CDH12: variants seen among roughly 807,000 people sequenced by gnomAD.
CDH12 encodes cadherin 12, also known as cadherin-12.
In CDH12, 41 loss-of-function variants were observed where a neutral mutation model predicts 74.1. The observed-to-expected ratio is 0.55, with a 90% CI of 0.43 to 0.72. The LOEUF is 0.72. Among genes scored for constraint, CDH12 ranks in the 30% least tolerant of loss-of-function variants. CDH12 has a pLI of 0.00. For synonymous variants in CDH12, 399 were observed against 355.0 expected (o/e 1.12, Z -1.39); for missense variants, 945 against 977.2 (o/e 0.97, Z 0.44).
At chr5:22,073,100 T>G (rs1207236182) in intron 5 of CDH12, among the ~76,000 whole-genome samples, 1 of 152,108 alleles carries the variant, frequency 6.6e-6, no homozygotes. Context: ...AAGTTTAACT[T>G]TTATAATTGT....
chr5:22,506,288 C>G (rs1736384202), intron 1 of CDH12, among the ~76,000 whole-genome samples: 1 of 149,176 alleles, frequency 6.7e-6, no homozygotes, highest in Non-Finnish European at 1.5e-5. Flanking sequence ...TTTACCTATT[C>G]TCCCCATTTG....
At chr5:22,522,673 ACT>A (rs1195753411) in intron 1 of CDH12, among the ~76,000 whole-genome samples, 4 of 151,856 alleles carry the variant, frequency 2.6e-5, no homozygotes, top group Non-Finnish European at 5.9e-5. Flanking sequence ...TTCATTTGTT[ACT>A]CTCTTTTATT....
chr5:21,790,389 A>G (rs1002942056), intron 10 of CDH12, among the ~76,000 whole-genome samples: 13 of 152,132 alleles, frequency 8.5e-5, no homozygotes, highest in Admixed American at 3.3e-4. Context: ...CAAGCTCAGT[A>G]AACATATTTA....
chr5:22,001,602 G>C (rs1736606691), intron 5 of CDH12, among the ~76,000 whole-genome samples: 1 of 151,974 alleles, frequency 6.6e-6, no homozygotes, highest in Non-Finnish European at 1.5e-5. Flanking sequence ...TATAGGCATG[G>C]TACCCAATGG....
intron 3 of CDH12, among the ~76,000 whole-genome samples, chr5:22,359,987 T>A (rs917739890): frequency 3.3e-5 from 5 of 151,954 alleles, no homozygotes; most frequent in African/African-American, 1.2e-4. Flanking sequence ...AGGAAAGATC[T>A]AAAATTGACA....
intron 1 of CDH12, among the ~76,000 whole-genome samples, chr5:22,720,180 G>C (rs1178397425): frequency 6.6e-6 from 1 of 152,158 alleles, no homozygotes; most frequent in Non-Finnish European, 1.5e-5. Context: ...GGTGGGAGGT[G>C]ATTGAATCGT....
At chr5:22,641,184 A>T (rs890177463) in intron 1 of CDH12, among the ~76,000 whole-genome samples, 1 of 152,158 alleles carries the variant, frequency 6.6e-6, no homozygotes, top group Non-Finnish European at 1.5e-5. Context: ...AGCCCCTGGG[A>T]TGCTGCGGGT....
chr5:21,772,318 C>G (rs1359721500), intron 11 of CDH12, among the ~76,000 whole-genome samples: 1 of 151,886 alleles, frequency 6.6e-6, no homozygotes, highest in Non-Finnish European at 1.5e-5. Flanking sequence ...TATTGGGAGG[C>G]AAAGGGGATA....
At chr5:21,754,134 A>G (rs1312032766) in intron 14 of CDH12, among the ~76,000 whole-genome samples, 2 of 152,146 alleles carry the variant, frequency 1.3e-5, no homozygotes, top group Non-Finnish European at 2.9e-5. Flanking sequence ...TCCGGCAGAA[A>G]TGATTTTGTA....
intron 8 of CDH12, among the ~76,000 whole-genome samples, chr5:21,841,292 T>A (rs1749833971): frequency 6.6e-6 from 1 of 151,860 alleles, no homozygotes; most frequent in Non-Finnish European, 1.5e-5. Context: ...GAAATGCAAA[T>A]CAAAACCACA....
Position 22,022,485 on chromosome 5 carries a change from T to C in CDH12, c.232-47100A>G, listed in dbSNP as rs192389315. Among the ~76,000 whole-genome samples, 235 of 151,636 alleles carry C rather than the reference T, an allele frequency of 1.5e-3. 1 individual carries two copies. The highest frequency in any genetic ancestry group is 2.1e-3 in the Non-Finnish European group (145 of 67,824). ...TGGAACTGTGAGTCAATTAAACTTC[T>C]TTTTTTTTAAATTATCCAGTCTCAG... On this transcript the variant is annotated intron_variant, in intron 5 of 14. Transcript: ENST00000382254.
At chr5:21,888,049 C>G (rs1752721124) in intron 6 of CDH12, among the ~76,000 whole-genome samples, 1 of 151,756 alleles carries the variant, frequency 6.6e-6, no homozygotes, top group African/African-American at 2.4e-5. Context: ...AACAACAAAA[C>G]AGTCACACTA....
At chr5:21,883,861 C>T (rs2150036149) in intron 6 of CDH12, 1 of 1,606,868 alleles carries the variant, frequency 6.2e-7, no homozygotes, top group African/African-American at 1.3e-5. Flanking sequence ...GTTACAGATG[C>T]CCTTAATGCT....
chr5:22,182,765 G>A (rs573442242), intron 4 of CDH12, among the ~76,000 whole-genome samples: 1 of 151,914 alleles, frequency 6.6e-6, no homozygotes. Flanking sequence ...GATTGTTTCT[G>A]ACTGGCTGGG....
chr5:22,302,847 G>A (rs975561104), intron 3 of CDH12, among the ~76,000 whole-genome samples: 1 of 152,010 alleles, frequency 6.6e-6, no homozygotes, highest in African/African-American at 2.4e-5. Flanking sequence ...ACGTAAAACT[G>A]ATTAAAGACC....
rs565261671 is a variant in CDH12 at position 22,564,711 on chromosome 5, A to C, written c.-522-59347T>G. Among the ~76,000 whole-genome samples, 3 of 152,204 alleles carry C rather than the reference A, an allele frequency of 2.0e-5. No individual in the cohort carries two copies. In the East Asian group the frequency reaches 5.8e-4, roughly 29 times the overall value. On this transcript the variant is annotated intron_variant, in intron 1 of 14. Coordinates refer to ENST00000382254, the MANE Select transcript of CDH12 (RefSeq NM_004061.5). ...ACTCATCTTTGGACTTCTTTATATAATGCATTTATTTTCCTTTGATTTGTT... is the reference window on the plus strand; with the variant it reads ...ACTCATCTTTGGACTTCTTTATATACTGCATTTATTTTCCTTTGATTTGTT...
intron 6 of CDH12, among the ~76,000 whole-genome samples, chr5:21,940,841 TTC>T (rs4028788): frequency 5.3e-5 from 8 of 150,914 alleles, no homozygotes; most frequent in Admixed American, 6.6e-5. Flanking sequence ...TTCTCTCTGT[TTC>T]TCTCTCTCTC....
intron 1 of CDH12, among the ~76,000 whole-genome samples, chr5:22,668,444 T>C (rs908686599): frequency 6.6e-6 from 1 of 152,192 alleles, no homozygotes; most frequent in South Asian, 2.1e-4. Context: ...TGAAACTGGA[T>C]AAAGAAAAGG....
intron 13 of CDH12, among the ~76,000 whole-genome samples, chr5:21,759,150 A>G (rs976530083): frequency 6.6e-6 from 1 of 152,134 alleles, no homozygotes; most frequent in Non-Finnish European, 1.5e-5. Flanking sequence ...ATTAAATTAA[A>G]AAAAGTTGTA....
Sources: gnomAD v4.1 joint callset for allele counts (sites outside exome capture counted in the v4.1 genomes callset) on GRCh38, gnomAD v4.1.1 for gene constraint, MANE v1.5 for transcripts, NCBI Gene and HGNC (gene_info 2026-07-23, HGNC 2026-07-21) for gene names.